LRFN5: variants seen among roughly 807,000 people sequenced by gnomAD.
LRFN5 encodes leucine rich repeat and fibronectin type III domain containing 5, also known as leucine-rich repeat and fibronectin type-III domain-containing protein 5.
Under a neutral mutation model 45.6 loss-of-function variants are expected in LRFN5, and 24 were observed. That is an observed-to-expected ratio of 0.53 (90% confidence interval 0.38 to 0.74). The LOEUF is 0.74. Ranked by LOEUF, LRFN5 falls within the 30% of genes least tolerant of loss-of-function variation. LRFN5 has a pLI of 0.00. For missense variants in LRFN5, 776 were observed against 861.5 expected, an observed-to-expected ratio of 0.90 and a Z score of 1.24; for synonymous variants, 340 against 313.8, an observed-to-expected ratio of 1.08 and a Z score of -0.88.
intron 1 of LRFN5, among the ~76,000 whole-genome samples, chr14:41,714,892 A>G (rs927389067): frequency 6.6e-6 from 1 of 150,430 alleles, no homozygotes; most frequent in Admixed American, 6.6e-5. Flanking sequence ...GTGACAAAGT[A>G]AGACCCTATT....
chr14:41,754,269 C>T (rs1276822493), intron 1 of LRFN5, among the ~76,000 whole-genome samples: 1 of 152,084 alleles, frequency 6.6e-6, no homozygotes, highest in Non-Finnish European at 1.5e-5. Flanking sequence ...CAGGATGATG[C>T]TGACCTCATA....
At chr14:41,667,480 C>T (rs1478246515) in intron 1 of LRFN5, among the ~76,000 whole-genome samples, 1 of 152,134 alleles carries the variant, frequency 6.6e-6, no homozygotes, top group Non-Finnish European at 1.5e-5. Flanking sequence ...CAGTTCACCT[C>T]CATGTGGTTA....
intron 1 of LRFN5, among the ~76,000 whole-genome samples, chr14:41,647,167 A>G (rs1300482873): frequency 1.3e-5 from 2 of 152,030 alleles, no homozygotes; most frequent in African/African-American, 4.8e-5. Flanking sequence ...TTTTCATGTG[A>G]TTTTAGTGTA....
At chr14:41,853,096 C>G (rs906206458) in intron 2 of LRFN5, among the ~76,000 whole-genome samples, 1 of 151,898 alleles carries the variant, frequency 6.6e-6, no homozygotes, top group African/African-American at 2.4e-5. Flanking sequence ...GTTTATAAAG[C>G]TATTATCACA....
At chr14:41,820,422 T>C (rs1297568284) in intron 2 of LRFN5, among the ~76,000 whole-genome samples, 1 of 151,986 alleles carries the variant, frequency 6.6e-6, no homozygotes, top group Non-Finnish European at 1.5e-5. Context: ...CAGTTAGTTG[T>C]AGATATTGGC....
At chr14:41,814,697 C>T (rs1395465025) in intron 2 of LRFN5, among the ~76,000 whole-genome samples, 1 of 152,068 alleles carries the variant, frequency 6.6e-6, no homozygotes. Flanking sequence ...TGTATTTTGT[C>T]ACAACTAACC....
intron 1 of LRFN5, among the ~76,000 whole-genome samples, chr14:41,707,953 C>G (rs969043077): frequency 2.0e-5 from 3 of 151,974 alleles, no homozygotes; most frequent in Non-Finnish European, 4.4e-5. Flanking sequence ...AAACTAAATA[C>G]CTGCTAATGT....
At chr14:41,642,501 A>AT (rs1879625463) in intron 1 of LRFN5, among the ~76,000 whole-genome samples, 2 of 152,300 alleles carry the variant, frequency 1.3e-5, no homozygotes, top group African/African-American at 4.8e-5. Context: ...AATTGAGGTA[A>AT]TGCATAGGTC....
intron 1 of LRFN5, among the ~76,000 whole-genome samples, chr14:41,650,266 C>CACAAA (rs1247683262): frequency 7.4e-6 from 1 of 135,456 alleles, no homozygotes; most frequent in African/African-American, 2.8e-5. Context: ...CACACACACA[C>CACAAA]AAAAAAAAAA....
chr14:41,635,223 C>T (rs888094106), intron 1 of LRFN5, among the ~76,000 whole-genome samples: 2 of 152,066 alleles, frequency 1.3e-5, no homozygotes, highest in Admixed American at 6.6e-5. Context: ...TGAATTCTGA[C>T]TATTGACCTA....
intron 2 of LRFN5, among the ~76,000 whole-genome samples, chr14:41,813,655 G>A (rs1887815386): frequency 6.6e-6 from 1 of 152,124 alleles, no homozygotes; most frequent in African/African-American, 2.4e-5. Flanking sequence ...ATAAACATAT[G>A]TGTGCGTGTG....
At chr14:41,891,194 C>T in intron 3 of LRFN5, 56 bp from the exon 4 acceptor site, 2 of 1,347,358 alleles carry the variant, frequency 1.5e-6, no homozygotes, top group Non-Finnish European at 2.1e-6. Flanking sequence ...TAATGACTTT[C>T]TGTGTATGTG....
At chr14:41,712,192 G>A (rs554115896) in intron 1 of LRFN5, among the ~76,000 whole-genome samples, 2 of 152,232 alleles carry the variant, frequency 1.3e-5, no homozygotes, top group East Asian at 3.9e-4. Flanking sequence ...AACAGATCAG[G>A]TACATCTCTT....
At chr14:41,795,322 G>C (rs903687751) in intron 2 of LRFN5, among the ~76,000 whole-genome samples, 1 of 152,100 alleles carries the variant, frequency 6.6e-6, no homozygotes, top group Admixed American at 6.6e-5. Context: ...ATTTTACACT[G>C]TTGGTGGGAC....
At chr14:41,849,611 A>G (rs1415767646) in intron 2 of LRFN5, among the ~76,000 whole-genome samples, 5 of 151,976 alleles carry the variant, frequency 3.3e-5, no homozygotes, top group Non-Finnish European at 7.4e-5. Context: ...TTAATTTTTA[A>G]GAACTACCTC....
intron 1 of LRFN5, among the ~76,000 whole-genome samples, chr14:41,677,101 C>CA (rs1305922440): frequency 6.7e-6 from 1 of 149,116 alleles, no homozygotes; most frequent in Non-Finnish European, 1.5e-5. Context: ...GGTAGCAGAG[C>CA]AAAAAAAGTA....
chr14:41,843,874 T>C (rs777115435), intron 2 of LRFN5, among the ~76,000 whole-genome samples: 3 of 152,018 alleles, frequency 2.0e-5, no homozygotes, highest in Non-Finnish European at 4.4e-5. Context: ...CAAGTAACAA[T>C]ATAGAAAATA....
At chr14:41,620,881 C>T (rs1888107863) in intron 1 of LRFN5, among the ~76,000 whole-genome samples, 1 of 151,250 alleles carries the variant, frequency 6.6e-6, no homozygotes, top group Non-Finnish European at 1.5e-5. Flanking sequence ...CAATTTAAAA[C>T]CAAGATAGGA....
rs748703281 is a variant in LRFN5 at position 41,887,787 on chromosome 14, C to T, written c.1162C>T (p.His388Tyr). The T allele has an allele frequency of 4.5e-5, 73 of 1,613,958 alleles. No individual in the cohort carries two copies. Among genetic ancestry groups the T allele is most frequent in the Non-Finnish European group, 6.2e-5 (73 of 1,179,984 alleles). Residue 388 changes from histidine to tyrosine, a missense_variant, in exon 3 of 6, where the codon CAT becomes TAT. Physicochemically the swap from His to Tyr is moderately conservative, Grantham distance 83 (BLOSUM62 2). This residue lies in a region of LRFN5 where 465 missense variants were observed against 456.4 expected (regional missense o/e 1.02). Coordinates refer to ENST00000298119, the MANE Select transcript of LRFN5 (RefSeq NM_152447.5). The surrounding 1 kb of genome is among the most constrained non-coding windows in gnomAD (Gnocchi z 4.8). Reference sequence around the variant, plus strand: ...CTTACTAAATAGTACAAACCATATCCATGAGCCTGATCCTGGTTCTTCAGA... The same window carrying T: ...CTTACTAAATAGTACAAACCATATCTATGAGCCTGATCCTGGTTCTTCAGA... ...PHLLNSTNHIHEPDPGSSDIS... is the reference protein window; with the variant it reads ...PHLLNSTNHIYEPDPGSSDIS...
Sources: gnomAD v4.1 joint callset for allele counts (sites outside exome capture counted in the v4.1 genomes callset) on GRCh38, gnomAD v4.1.1 for gene constraint, gnomAD v4.1.1 regional missense constraint, Gnocchi (gnomAD v3.1) non-coding constraint, MANE v1.5 for transcripts, NCBI Gene and HGNC (gene_info 2026-07-23, HGNC 2026-07-21) for gene names.